DNAJB6: variants seen among roughly 807,000 people sequenced by gnomAD.
The protein encoded by DNAJB6 is dnaJ homolog subfamily B member 6.
A neutral mutation model predicts 42.7 loss-of-function variants in DNAJB6; 16 were observed. The ratio of observed to expected loss-of-function variants is 0.37; its 90% CI spans 0.25 to 0.57. The LOEUF (loss-of-function observed/expected upper bound fraction) is 0.57. DNAJB6 is among the 20% of genes least tolerant of loss of function. DNAJB6 has a pLI of 0.74. For synonymous variants in DNAJB6, 170 were observed against 163.5 expected (o/e 1.04, Z -0.30); for missense variants, 347 against 416.8 (o/e 0.83, Z 1.46).
At chr7:157,349,489 C>T (rs916706205) in intron 1 of DNAJB6, among the ~76,000 whole-genome samples, 1 of 148,498 alleles carries the variant, frequency 6.7e-6, no homozygotes, top group African/African-American at 2.5e-5. Flanking sequence ...AGTTTTATTA[C>T]TTTTTTTTTT....
chr7:157,350,584 T>C (rs2116901057), intron 1 of DNAJB6, among the ~76,000 whole-genome samples: 1 of 152,316 alleles, frequency 6.6e-6, no homozygotes, highest in South Asian at 2.1e-4. Context: ...GTGGATGCCT[T>C]ATGAGTCAGA....
At chr7:157,382,188 CATG>C (rs1800815108) in intron 5 of DNAJB6, 55 bp from the exon 6 acceptor site, 1 of 1,511,926 alleles carries the variant, frequency 6.6e-7, no homozygotes, top group African/African-American at 1.4e-5. Flanking sequence ...GTAGCTATCA[CATG>C]AGGAAAAAAA....
intron 8 of DNAJB6, among the ~76,000 whole-genome samples, chr7:157,404,683 G>A (rs1584947159): frequency 6.6e-6 from 1 of 151,536 alleles, no homozygotes; most frequent in South Asian, 2.1e-4. Flanking sequence ...ACTAATTTTT[G>A]TATTTTTAGT....
chr7:157,369,735 T>G (rs1328802133), intron 5 of DNAJB6, among the ~76,000 whole-genome samples: 1 of 143,502 alleles, frequency 7.0e-6, no homozygotes, highest in Admixed American at 6.9e-5. Flanking sequence ...TTCACATTAT[T>G]ATTAAACAGG....
chr7:157,339,117 A>G lies in DNAJB6; in HGVS notation c.-27+1973A>G, dbSNP rs943901563. 2.6e-5 allele frequency among the ~76,000 whole-genome samples: 4 copies of G among 152,152 alleles called. No individual in the cohort carries two copies. The East Asian group carries it at 7.7e-4, about 29-fold the overall frequency. ...AATATGCATATGGTATTACAGTGTGATACCTGTTACTGAGTGGCGTACATT... is the reference window on the plus strand; with the variant it reads ...AATATGCATATGGTATTACAGTGTGGTACCTGTTACTGAGTGGCGTACATT... On this transcript the variant is annotated intron_variant, in intron 1 of 9. Coordinates refer to ENST00000262177, the MANE Select transcript of DNAJB6 (RefSeq NM_058246.4).
intron 1 of DNAJB6, among the ~76,000 whole-genome samples, chr7:157,341,429 T>G (rs548861842): frequency 3.3e-4 from 50 of 152,328 alleles, no homozygotes; most frequent in African/African-American, 1.2e-3. Context: ...AGGCCATATT[T>G]TAGAATTCTT....
chr7:157,400,344 G>A (rs1801800707), intron 8 of DNAJB6, among the ~76,000 whole-genome samples: 1 of 152,262 alleles, frequency 6.6e-6, no homozygotes, highest in African/African-American at 2.4e-5. Flanking sequence ...GGATGCCTGG[G>A]TCCCCGCGCC....
intron 1 of DNAJB6, among the ~76,000 whole-genome samples, chr7:157,338,267 A>G (rs956058681): frequency 6.6e-6 from 1 of 151,954 alleles, no homozygotes; most frequent in Non-Finnish European, 1.5e-5. Context: ...GAAAGGAATT[A>G]TATGCAGCCG....
intron 8 of DNAJB6, among the ~76,000 whole-genome samples, chr7:157,400,666 G>T (rs1220437003): frequency 6.6e-6 from 1 of 152,196 alleles, no homozygotes; most frequent in Non-Finnish European, 1.5e-5. Flanking sequence ...TCTTGCGTCC[G>T]CCTGGCACGT....
At chr7:157,372,895 T>C (rs1800287350) in intron 5 of DNAJB6, among the ~76,000 whole-genome samples, 1 of 152,186 alleles carries the variant, frequency 6.6e-6, no homozygotes, top group Admixed American at 6.5e-5. Context: ...GGATGGCCCA[T>C]CCGATGTTGA....
rs911721201 is a variant in DNAJB6 at position 157,409,947 on chromosome 7, G to T, written c.844G>T (p.Glu282Ter). 88 of 1,536,528 alleles carry T rather than the reference G, an allele frequency of 5.7e-5. No individual in the cohort carries two copies. Among genetic ancestry groups the T allele is most frequent in the Non-Finnish European group, 7.3e-5 (84 of 1,145,584 alleles). ...TCACTGTCTCTCTGAGGAGGAGGGCGAGCAGGACCGACCTCGGGCACCCGG... is the reference window on the plus strand; with the variant it reads ...TCACTGTCTCTCTGAGGAGGAGGGCTAGCAGGACCGACCTCGGGCACCCGG... Reference protein sequence around the residue: ...APHCLSEEEGEQDRPRAPGPW... With the variant: ...APHCLSEEEG Residue 282 changes from glutamate to a stop codon, truncating the protein, a stop_gained, in exon 9 of 10, where the codon GAG becomes TAG. Coordinates refer to ENST00000262177, the MANE Select transcript of DNAJB6 (RefSeq NM_058246.4). LOFTEE classifies it high-confidence loss of function.
chr7:157,392,099 CAAAAAAAAA>C (rs57861175), intron 8 of DNAJB6, among the ~76,000 whole-genome samples: 38 of 112,246 alleles, frequency 3.4e-4, no homozygotes, highest in South Asian at 2.1e-3. Context: ...GACCCTGTCT[CAAAAAAAAA>C]AAAAAAAAAG....
intron 8 of DNAJB6, among the ~76,000 whole-genome samples, chr7:157,408,983 C>T (rs577081847): frequency 1.1e-3 from 160 of 152,354 alleles, no homozygotes; most frequent in African/African-American, 3.7e-3. Flanking sequence ...CCACCTGCGG[C>T]CTCGCACACT....
intron 1 of DNAJB6, among the ~76,000 whole-genome samples, chr7:157,354,643 T>C (rs797001528): frequency 3.7e-4 from 57 of 152,092 alleles, no homozygotes; most frequent in African/African-American, 1.3e-3. Context: ...CCAGCCAATA[T>C]CTGCACATTT....
intron 9 of DNAJB6, chr7:157,415,559 G>A (rs759685745): frequency 3.8e-5 from 7 of 183,974 alleles, no homozygotes; most frequent in South Asian, 2.2e-4. Flanking sequence ...GGCCCAGTGT[G>A]CGTTCTGAAG....
intron 5 of DNAJB6, chr7:157,379,483 C>T: frequency 6.6e-6 from 1 of 152,140 alleles, no homozygotes; most frequent in East Asian, 1.9e-4. Context: ...TGAGACTGGC[C>T]ACATGAGTGC....
In DNAJB6 at chr7:157,405,303, G is replaced by GCAA. The variant is rs1795724998; in HGVS notation, c.692-4491_692-4490insAAC. 6.6e-5 allele frequency among the ~76,000 whole-genome samples: 10 copies of GCAA among 152,316 alleles called. 1 individual carries two copies. The South Asian group carries it at 2.1e-3, about 32-fold the overall frequency. ...GAGAGGGTGTTGCTGTGGGAAGTGT[G>GCAA]CTGAGTTGTGTGTTCCTCGGCCCTC... On this transcript the variant is annotated intron_variant, in intron 8 of 9. Transcript: ENST00000262177.
chr7:157,360,836 T>TG (rs983912074), intron 2 of DNAJB6, among the ~76,000 whole-genome samples: 1 of 152,212 alleles, frequency 6.6e-6, no homozygotes, highest in African/African-American at 2.4e-5. Context: ...TCACACACCA[T>TG]GGGCCTTCCT....
intron 1 of DNAJB6, among the ~76,000 whole-genome samples, chr7:157,339,405 C>T (rs1422215969): frequency 2.0e-5 from 3 of 147,028 alleles, no homozygotes; most frequent in African/African-American, 7.5e-5. Flanking sequence ...TCACACCATT[C>T]TCCTGCCTCA....
Sources: gnomAD v4.1 joint callset for allele counts (sites outside exome capture counted in the v4.1 genomes callset) on GRCh38, gnomAD v4.1.1 for gene constraint, MANE v1.5 for transcripts, NCBI Gene and HGNC (gene_info 2026-07-23, HGNC 2026-07-21) for gene names.